The following ANO3 variants were observed in gnomAD, a reference collection of about 807,000 sequenced individuals.
The protein encoded by ANO3 is anoctamin 3.
ANO3 carries 99 observed loss-of-function variants against 144.8 expected under a neutral mutation model. That is an observed-to-expected ratio of 0.68 (90% CI 0.58 to 0.81). The LOEUF is 0.81. Ranked by LOEUF, ANO3 falls within the 30% of genes least tolerant of loss-of-function variation. The pLI is 0.00. For missense variants in ANO3, 905 were observed against 1,202.2 expected, an observed-to-expected ratio of 0.75 and a Z score of 3.66; for synonymous variants, 414 against 392.6, an observed-to-expected ratio of 1.05 and a Z score of -0.64.
intron 1 of ANO3, among the ~76,000 whole-genome samples, chr11:26,238,457 A>T (rs1235434889): frequency 6.6e-6 from 1 of 152,164 alleles, no homozygotes. Flanking sequence ...CTGATTTAAC[A>T]TTAATACTCT....
chr11:26,489,816 G>T (rs1860629003), intron 4 of ANO3, among the ~76,000 whole-genome samples: 1 of 152,174 alleles, frequency 6.6e-6, no homozygotes, highest in Non-Finnish European at 1.5e-5. Context: ...TGGAAAGGCT[G>T]TATTGACCCA....
At chr11:26,490,711 G>A (rs1342952079) in intron 4 of ANO3, among the ~76,000 whole-genome samples, 1 of 152,182 alleles carries the variant, frequency 6.6e-6, no homozygotes, top group East Asian at 1.9e-4. Flanking sequence ...ATGCAGACTA[G>A]ACTTCCCACA....
At chr11:26,556,068 T>C (rs1440309152) in intron 13 of ANO3, among the ~76,000 whole-genome samples, 1 of 152,194 alleles carries the variant, frequency 6.6e-6, no homozygotes, top group Non-Finnish European at 1.5e-5. Flanking sequence ...TCCTATCATA[T>C]GATAAAAATT....
chr11:26,614,070 G>T (rs1852177765), intron 17 of ANO3, among the ~76,000 whole-genome samples: 1 of 152,242 alleles, frequency 6.6e-6, no homozygotes, highest in Admixed American at 6.5e-5. Flanking sequence ...GCAGGCTGTA[G>T]CAAGCTGTCC....
intron 1 of ANO3, among the ~76,000 whole-genome samples, chr11:26,293,672 C>T (rs1590239876): frequency 6.6e-6 from 1 of 150,606 alleles, no homozygotes; most frequent in Non-Finnish European, 1.5e-5. Flanking sequence ...CAGAATATTT[C>T]ACACTAACAG....
At chr11:26,462,150 A>T (rs1859418784) in intron 3 of ANO3, among the ~76,000 whole-genome samples, 1 of 152,000 alleles carries the variant, frequency 6.6e-6, no homozygotes, top group Non-Finnish European at 1.5e-5. Flanking sequence ...CTGTACAATA[A>T]GTTGACTGAA....
In ANO3 at chr11:26,639,323, T is replaced by A; in HGVS notation, c.2141+82T>A. On this transcript the variant is annotated intron_variant, in intron 21 of 26. Transcript: ENST00000256737. ...GGTGGCGTGAGTAGTGCTTAAGAATTTGGTCTTGGTAATCAGACAAATGAT... is the reference window on the plus strand; with the variant it reads ...GGTGGCGTGAGTAGTGCTTAAGAATATGGTCTTGGTAATCAGACAAATGAT... 9.0e-6 allele frequency: 9 copies of A among 1,002,094 alleles called. No individual in the cohort carries two copies. In the South Asian group the frequency reaches 1.1e-4, roughly 12 times the overall value. The allele number at this position is 1,002,094 out of a possible 1,614,324, so 62.1% of individuals were successfully genotyped here.
At position 26,389,768 on chromosome 11, in the gene ANO3, A is replaced by G. The variant is rs566402410; in HGVS notation, c.47-52150A>G. 2.0e-5 allele frequency among the ~76,000 whole-genome samples: 3 copies of G among 152,208 alleles called. No individual in the cohort carries two copies. In the South Asian group the frequency reaches 6.2e-4, roughly 32 times the overall value. ...TTCATTGTGCAGTTTTTGAAAAGGT[A>G]TTATTTTCTTTTTGAATAAAAGATT... On this transcript the variant is annotated intron_variant, in intron 1 of 26. Transcript: ENST00000256737.
intron 1 of ANO3, among the ~76,000 whole-genome samples, chr11:26,357,867 T>C (rs963557058): frequency 6.6e-6 from 1 of 152,188 alleles, no homozygotes; most frequent in South Asian, 2.1e-4. Context: ...ATATCTTAAG[T>C]AATATATGGA....
At chr11:26,520,898 A>G (rs1224990518) in intron 6 of ANO3, among the ~76,000 whole-genome samples, 1 of 152,126 alleles carries the variant, frequency 6.6e-6, no homozygotes, top group Non-Finnish European at 1.5e-5. Flanking sequence ...TATATATTTT[A>G]TAAATTTCAA....
intron 1 of ANO3, among the ~76,000 whole-genome samples, chr11:26,371,368 A>T (rs1426479441): frequency 2.6e-5 from 4 of 152,242 alleles, no homozygotes; most frequent in Admixed American, 2.6e-4. Flanking sequence ...CTGGATGTCC[A>T]GGCAGAAGTT....
At chr11:26,522,101 G>A (rs1333346322) in intron 6 of ANO3, among the ~76,000 whole-genome samples, 3 of 151,834 alleles carry the variant, frequency 2.0e-5, no homozygotes, top group East Asian at 3.9e-4. Context: ...AGAGAATGGC[G>A]TGAACCCGGG....
chr11:26,544,264 A>ATATATATATATATATATATG (rs1849723294), intron 11 of ANO3, among the ~76,000 whole-genome samples: 1 of 82,596 alleles, frequency 1.2e-5, no homozygotes, highest in African/African-American at 4.2e-5. Flanking sequence ...ATATATATAT[A>ATATATATATATATATATATG]TATATATATA....
intron 14 of ANO3, among the ~76,000 whole-genome samples, chr11:26,589,874 G>A (rs1053215217): frequency 3.9e-5 from 6 of 152,076 alleles, no homozygotes; most frequent in Admixed American, 6.5e-5. Flanking sequence ...GTAGGGATAC[G>A]CAATCTGTAT....
At chr11:26,378,720 C>CTGA (rs1856487601) in intron 1 of ANO3, among the ~76,000 whole-genome samples, 1 of 151,892 alleles carries the variant, frequency 6.6e-6, no homozygotes, top group Non-Finnish European at 1.5e-5. Flanking sequence ...CCAGTAAAGG[C>CTGA]TGATGATATG....
At chr11:26,590,884 G>A (rs1220078527) in intron 14 of ANO3, among the ~76,000 whole-genome samples, 3 of 152,112 alleles carry the variant, frequency 2.0e-5, no homozygotes, top group Non-Finnish European at 4.4e-5. Context: ...GTGTGCAGCT[G>A]CAAGATTTAG....
intron 1 of ANO3, among the ~76,000 whole-genome samples, chr11:26,248,508 G>C (rs1235540681): frequency 6.6e-6 from 1 of 152,096 alleles, no homozygotes; most frequent in African/African-American, 2.4e-5. Context: ...AGAAAATATA[G>C]AGAAACTGAA....
chr11:26,402,729 G>A (rs2133976069), intron 1 of ANO3, among the ~76,000 whole-genome samples: 1 of 151,968 alleles, frequency 6.6e-6, no homozygotes, highest in Admixed American at 6.6e-5. Context: ...TTGAAAGGAG[G>A]GAGAGGATCA....
At chr11:26,640,853 C>G (rs983343402) in intron 21 of ANO3, among the ~76,000 whole-genome samples, 2 of 152,156 alleles carry the variant, frequency 1.3e-5, no homozygotes, top group African/African-American at 4.8e-5. Flanking sequence ...AAACTTTAAA[C>G]AGAACCTAAA....
Sources: allele counts gnomAD v4.1 joint callset (sites outside exome capture counted in the v4.1 genomes callset), GRCh38; gene constraint gnomAD v4.1.1; transcripts MANE v1.5; gene names NCBI Gene and HGNC (gene_info 2026-07-23, HGNC 2026-07-21).